CNTNAP5: variants seen among roughly 807,000 people sequenced by gnomAD.
CNTNAP5 encodes the protein contactin-associated protein-like 5.
In CNTNAP5, 72 loss-of-function variants were observed where a neutral mutation model predicts 150.2. The ratio of observed to expected loss-of-function variants is 0.48; its 90% CI spans 0.40 to 0.58. The LOEUF is 0.58. Ranked by LOEUF, CNTNAP5 falls within the 20% of genes least tolerant of loss-of-function variation. The pLI is 0.00. For synonymous variants in CNTNAP5, 672 were observed against 619.8 expected (o/e 1.08, Z -1.25); for missense variants, 1,636 against 1,626.2 (o/e 1.01, Z -0.10).
rs574766055 is a variant in CNTNAP5, at chr2:124,769,303, C to T, written c.2534-3496C>T. Among the ~76,000 whole-genome samples, 3 of 151,920 alleles carry T rather than the reference C, an allele frequency of 2.0e-5. No homozygotes were observed. In the East Asian group the frequency reaches 5.8e-4, roughly 29 times the overall value. On this transcript the variant is annotated intron_variant, in intron 16 of 23. Coordinates refer to ENST00000682447, the MANE Select transcript of CNTNAP5 (RefSeq NM_001367498.1). The stretch of plus-strand genomic sequence containing the variant: ...TAAACATGCCCTTTCTTTTTTTTAT[C>T]AGTCTTCTCAAAAGTAAATCATGAA...
chr2:124,061,675 G>GA, intron 1 of CNTNAP5, among the ~76,000 whole-genome samples: 1 of 152,118 alleles, frequency 6.6e-6, no homozygotes, highest in East Asian at 1.9e-4. Flanking sequence ...TGACAAATAA[G>GA]AAAAAAATAG....
At chr2:124,215,172 G>C (rs184773669) in intron 1 of CNTNAP5, among the ~76,000 whole-genome samples, 1 of 152,256 alleles carries the variant, frequency 6.6e-6, no homozygotes, top group East Asian at 1.9e-4. Flanking sequence ...GCTATTAAGT[G>C]TGCAATGCTA....
At chr2:124,758,929 C>T (rs1480911953) in intron 14 of CNTNAP5, among the ~76,000 whole-genome samples, 3 of 152,086 alleles carry the variant, frequency 2.0e-5, no homozygotes, top group African/African-American at 4.8e-5. Flanking sequence ...GATACCTTTG[C>T]TAGATTGCTA....
At chr2:124,824,944 A>G (rs367608203) in intron 19 of CNTNAP5, among the ~76,000 whole-genome samples, 8 of 152,212 alleles carry the variant, frequency 5.3e-5, no homozygotes, top group African/African-American at 1.7e-4. Flanking sequence ...ATTAGTTGAC[A>G]TTCATATTCT....
intron 21 of CNTNAP5, among the ~76,000 whole-genome samples, 191 bp downstream of exon 21, chr2:124,869,953 T>C (rs1677710995): frequency 1.3e-5 from 2 of 152,160 alleles, no homozygotes; most frequent in Non-Finnish European, 2.9e-5. Flanking sequence ...TGCATTTCTA[T>C]CTACTTTATA....
Position 124,078,497 on chromosome 2 carries a change from A to T in CNTNAP5, c.82+52765A>T, listed in dbSNP as rs144768383. On this transcript the variant is annotated intron_variant, in intron 1 of 23. Transcript: ENST00000682447. ...TCCAGTTCTTGCATATACTAGTGGTATGATATTAGCTCTTAATTTCAAATT... is the reference window on the plus strand; with the variant it reads ...TCCAGTTCTTGCATATACTAGTGGTTTGATATTAGCTCTTAATTTCAAATT... 2.0e-3 allele frequency among the ~76,000 whole-genome samples: 308 copies of T among 152,292 alleles called. 3 individuals are homozygous for T. The Middle Eastern group carries it at 0.02, about 10-fold the overall frequency.
chr2:124,919,227 A>C lies in CNTNAP5; in HGVS notation c.*4939A>C. ...ATATCTGTTTGGTAGGGAGAGAAGC[A>C]TTCCTCTTTTATGTTGACAATTATT... On this transcript the variant is annotated 3_prime_UTR_variant, in exon 24 of 24. Transcript: ENST00000682447. Among the ~76,000 whole-genome samples the C allele has an allele frequency of 6.6e-6, 1 of 152,076 alleles. No homozygotes were observed. Among genetic ancestry groups the C allele is most frequent in the Non-Finnish European group, 1.5e-5 (1 of 68,000 alleles).
chr2:124,332,909 TA>T (rs1379859090), intron 3 of CNTNAP5, among the ~76,000 whole-genome samples: 7 of 152,148 alleles, frequency 4.6e-5, no homozygotes, highest in Non-Finnish European at 1.0e-4. Context: ...TAAATCCACA[TA>T]AACTTTAGAA....
At chr2:124,785,266 G>T (rs1025906639) in intron 17 of CNTNAP5, among the ~76,000 whole-genome samples, 1 of 152,142 alleles carries the variant, frequency 6.6e-6, no homozygotes, top group Non-Finnish European at 1.5e-5. Context: ...GGGTTCTGTG[G>T]TCAAGTGGAG....
chr2:124,578,163 A>G (rs1187466243), intron 11 of CNTNAP5, among the ~76,000 whole-genome samples: 1 of 146,452 alleles, frequency 6.8e-6, no homozygotes, highest in Non-Finnish European at 1.5e-5. Flanking sequence ...ATACAAAAAA[A>G]AAAAAAAAAA....
intron 1 of CNTNAP5, among the ~76,000 whole-genome samples, chr2:124,084,098 G>C (rs1412832166): frequency 6.6e-6 from 1 of 151,818 alleles, no homozygotes; most frequent in African/African-American, 2.4e-5. Context: ...CCCTGGTCAT[G>C]TTTTCTTTAG....
chr2:124,813,323 C>CA (rs953681778), intron 19 of CNTNAP5, among the ~76,000 whole-genome samples: 8 of 151,902 alleles, frequency 5.3e-5, no homozygotes, highest in African/African-American at 1.9e-4. Flanking sequence ...GTGATCCACC[C>CA]ACCTTGGCCT....
chr2:124,356,306 C>CTTT (rs201900685), intron 3 of CNTNAP5, among the ~76,000 whole-genome samples: 2 of 140,006 alleles, frequency 1.4e-5, no homozygotes, highest in Non-Finnish European at 3.1e-5. Flanking sequence ...ACCTCAACAT[C>CTTT]TTTTTTTTTT....
intron 1 of CNTNAP5, among the ~76,000 whole-genome samples, chr2:124,142,080 G>C (rs1684125988): frequency 6.8e-6 from 1 of 147,968 alleles, no homozygotes; most frequent in Non-Finnish European, 1.5e-5. Flanking sequence ...AATTCAACAA[G>C]AGGCGCTAAC....
At chr2:124,882,347 G>T (rs76262980) in intron 21 of CNTNAP5, among the ~76,000 whole-genome samples, 3 of 152,080 alleles carry the variant, frequency 2.0e-5, no homozygotes, top group Non-Finnish European at 4.4e-5. Context: ...TGACAGGAGG[G>T]GGGTGTGGGA....
chr2:124,885,688 G>C (rs541740496), intron 21 of CNTNAP5, among the ~76,000 whole-genome samples: 3 of 151,662 alleles, frequency 2.0e-5, no homozygotes, highest in Admixed American at 6.6e-5. Flanking sequence ...TTACCTATTT[G>C]AGATATTTCC....
At chr2:124,577,886 T>C (rs1177918758) in intron 11 of CNTNAP5, among the ~76,000 whole-genome samples, 2 of 151,924 alleles carry the variant, frequency 1.3e-5, no homozygotes, top group Non-Finnish European at 2.9e-5. Flanking sequence ...ACTTGAATAG[T>C]TCGGGGATTC....
At chr2:124,906,409 C>T (rs1678538656) in intron 22 of CNTNAP5, among the ~76,000 whole-genome samples, 1 of 152,030 alleles carries the variant, frequency 6.6e-6, no homozygotes, top group South Asian at 2.1e-4. Flanking sequence ...TTGTTTTACC[C>T]TCCCCTTGCT....
intron 1 of CNTNAP5, among the ~76,000 whole-genome samples, chr2:124,110,347 A>C (rs2104704978): frequency 6.6e-6 from 1 of 152,300 alleles, no homozygotes; most frequent in Non-Finnish European, 1.5e-5. Flanking sequence ...GGACTCATAT[A>C]ATCGATGAAT....
Sources: allele counts gnomAD v4.1 joint callset (sites outside exome capture counted in the v4.1 genomes callset), GRCh38; gene constraint gnomAD v4.1.1; transcripts MANE v1.5; gene names NCBI Gene and HGNC (gene_info 2026-07-23, HGNC 2026-07-21).